Variants in ROBO2 observed in about 807,000 individuals in gnomAD.
ROBO2 encodes roundabout guidance receptor 2, also known as roundabout homolog 2.
ROBO2 carries 53 observed loss-of-function variants against 160.8 expected under a neutral mutation model. The ratio of observed to expected loss-of-function variants is 0.33; its 90% CI spans 0.26 to 0.41. The LOEUF (loss-of-function observed/expected upper bound fraction) is 0.41. Among genes scored for constraint, ROBO2 ranks in the 10% least tolerant of loss-of-function variants. The pLI is 1.00. For synonymous variants in ROBO2, 664 were observed against 611.7 expected, an observed-to-expected ratio of 1.09 and a Z score of -1.26; for missense variants, 1,577 against 1,722.4, an observed-to-expected ratio of 0.92 and a Z score of 1.49.
intron 2 of ROBO2, among the ~76,000 whole-genome samples, chr3:76,342,843 T>C (rs1205034446): frequency 6.6e-6 from 1 of 152,096 alleles, no homozygotes; most frequent in Non-Finnish European, 1.5e-5. Flanking sequence ...CCACTGTTTA[T>C]AGGGAAAAAA....
intron 2 of ROBO2, among the ~76,000 whole-genome samples, chr3:76,006,104 C>G (rs2066013711): frequency 6.6e-6 from 1 of 152,082 alleles, no homozygotes; most frequent in African/African-American, 2.4e-5. Context: ...ACATCCAATA[C>G]AGAGGTAATA....
intron 2 of ROBO2, among the ~76,000 whole-genome samples, chr3:77,435,304 A>C (rs966066841): frequency 2.6e-4 from 40 of 152,116 alleles, no homozygotes; most frequent in African/African-American, 9.6e-4. Context: ...CGAAAAAAGA[A>C]AAAACACCTC....
At chr3:76,034,922 A>G (rs1380933251) in intron 2 of ROBO2, among the ~76,000 whole-genome samples, 2 of 152,034 alleles carry the variant, frequency 1.3e-5, no homozygotes, top group Non-Finnish European at 2.9e-5. Context: ...TCTCTGTTGT[A>G]TCTTCCTTTG....
intron 2 of ROBO2, among the ~76,000 whole-genome samples, chr3:76,479,277 T>A (rs2079090315): frequency 6.6e-6 from 1 of 152,186 alleles, no homozygotes; most frequent in Non-Finnish European, 1.5e-5. Flanking sequence ...AATATTGCCA[T>A]CTGCTATACC....
intron 2 of ROBO2, among the ~76,000 whole-genome samples, chr3:77,104,934 C>T (rs993246311): frequency 6.6e-6 from 1 of 152,108 alleles, no homozygotes; most frequent in African/African-American, 2.4e-5. Context: ...TCAGTTTGGT[C>T]CCAATTAAGT....
intron 1 of ROBO2, among the ~76,000 whole-genome samples, chr3:77,065,385 T>G (rs1310160898): frequency 6.6e-6 from 1 of 152,222 alleles, no homozygotes; most frequent in Non-Finnish European, 1.5e-5. Flanking sequence ...CCAAAAACTT[T>G]CTTCAAAATT....
intron 2 of ROBO2, among the ~76,000 whole-genome samples, chr3:76,141,220 A>T (rs1255437269): frequency 6.2e-5 from 8 of 129,888 alleles, no homozygotes; most frequent in African/African-American, 2.3e-4. Context: ...TCAGACATTA[A>T]AAATGACATT....
At chr3:77,550,615 C>G (rs1383752280) in intron 7 of ROBO2, among the ~76,000 whole-genome samples, 1 of 152,004 alleles carries the variant, frequency 6.6e-6, no homozygotes, top group Non-Finnish European at 1.5e-5. Flanking sequence ...ATATTGACTT[C>G]TTAGAGGATA....
At chr3:77,483,516 T>C (rs2084954633) in intron 4 of ROBO2, among the ~76,000 whole-genome samples, 1 of 151,794 alleles carries the variant, frequency 6.6e-6, no homozygotes, top group Non-Finnish European at 1.5e-5. Flanking sequence ...TAAGTAAAAC[T>C]GATTGTACTT....
intron 2 of ROBO2, among the ~76,000 whole-genome samples, chr3:76,555,365 A>AGAAGAAGAAGAAGAAGAAGAAGAC (rs2083663018): frequency 2.6e-5 from 1 of 39,158 alleles, no homozygotes; most frequent in African/African-American, 5.1e-5. Context: ...AGAGAGAAGA[A>AGAAGAAGAAGAAGAAGAAGAAGAC]GAAGAAGAAG....
intron 2 of ROBO2, among the ~76,000 whole-genome samples, chr3:76,516,554 C>T (rs768294784): frequency 1.3e-5 from 2 of 152,110 alleles, no homozygotes; most frequent in East Asian, 1.9e-4. Flanking sequence ...GAACTTGGCT[C>T]TTGCTCCATT....
At chr3:77,053,169 G>A (rs538769912) in intron 1 of ROBO2, among the ~76,000 whole-genome samples, 2 of 152,218 alleles carry the variant, frequency 1.3e-5, no homozygotes, top group South Asian at 2.1e-4. Flanking sequence ...AAAGCTTCTG[G>A]TTTTGGTGGC....
At chr3:76,748,110 C>G (rs1164896799) in intron 2 of ROBO2, among the ~76,000 whole-genome samples, 2 of 151,888 alleles carry the variant, frequency 1.3e-5, no homozygotes, top group Non-Finnish European at 2.9e-5. Flanking sequence ...TCATCCCATT[C>G]ATTATTTTTG....
chr3:76,780,188 G>GT (rs1031819863), intron 2 of ROBO2, among the ~76,000 whole-genome samples: 167 of 145,602 alleles, frequency 1.1e-3, no homozygotes, highest in East Asian at 0.011. Context: ...TGTGGAGACA[G>GT]TTTTTTTTTT....
rs530024630 is a variant in ROBO2, at chr3:77,375,374, C to T, written c.389-102040C>T. 4.6e-5 allele frequency among the ~76,000 whole-genome samples: 7 copies of T among 152,294 alleles called. No homozygotes were observed. In the East Asian group the frequency reaches 1.3e-3, roughly 29 times the overall value. On this transcript the variant is annotated intron_variant, in intron 2 of 25. Transcript: ENST00000461745. The stretch of plus-strand genomic sequence containing the variant: ...CATGCAGCTCTCACAGAAATAAAGA[C>T]AGAACATTAAACAGGTGTACCTTTT...
At chr3:76,076,136 T>C (rs1308366867) in intron 2 of ROBO2, among the ~76,000 whole-genome samples, 1 of 152,234 alleles carries the variant, frequency 6.6e-6, no homozygotes, top group African/African-American at 2.4e-5. Context: ...GTTTTTCCAA[T>C]GTTGGTTATA....
chr3:77,156,925 C>A (rs985966622), intron 2 of ROBO2, among the ~76,000 whole-genome samples: 1 of 151,802 alleles, frequency 6.6e-6, no homozygotes, highest in Non-Finnish European at 1.5e-5. Flanking sequence ...AAAGTTTGGT[C>A]CCCACAACAG....
chr3:76,856,137 G>A (rs546323017), intron 2 of ROBO2, among the ~76,000 whole-genome samples: 1 of 152,270 alleles, frequency 6.6e-6, no homozygotes, highest in African/African-American at 2.4e-5. Flanking sequence ...ATATGAACAA[G>A]AAGACATAAT....
chr3:75,969,390 T>C (rs115742884), intron 2 of ROBO2, among the ~76,000 whole-genome samples: 1 of 151,294 alleles, frequency 6.6e-6, no homozygotes, highest in Non-Finnish European at 1.5e-5. Flanking sequence ...AATACAGATA[T>C]ATCTTTCATA....
Sources: allele counts gnomAD v4.1 joint callset (sites outside exome capture counted in the v4.1 genomes callset), GRCh38; gene constraint gnomAD v4.1.1; transcripts MANE v1.5; gene names NCBI Gene and HGNC (gene_info 2026-07-23, HGNC 2026-07-21).